The following HSD17B3 variants were observed in gnomAD, a reference collection of about 807,000 sequenced individuals.
HSD17B3 encodes the protein hydroxysteroid 17-beta dehydrogenase 3.
Under a neutral mutation model 41.1 loss-of-function variants are expected in HSD17B3, and 29 were observed. The ratio of observed to expected loss-of-function variants is 0.71; its 90% confidence interval spans 0.53 to 0.96. The LOEUF (loss-of-function observed/expected upper bound fraction) is 0.96. HSD17B3 is among the 40% of genes least tolerant of loss of function. The pLI, the probability that HSD17B3 is intolerant of heterozygous loss-of-function variation, is 0.00. For missense variants in HSD17B3, 323 were observed against 374.6 expected (o/e 0.86, Z 1.14); for synonymous variants, 126 against 145.6 (o/e 0.87, Z 0.97).
At chr9:96,287,182 C>T (rs1826956178) in intron 2 of HSD17B3, among the ~76,000 whole-genome samples, 1 of 152,186 alleles carries the variant, frequency 6.6e-6, no homozygotes, top group African/African-American at 2.4e-5. Flanking sequence ...CAGTCTCCCG[C>T]TTTACTCTCC....
At chr9:96,250,100 A>C in intron 5 of HSD17B3, 1 of 1,334,492 alleles carries the variant, frequency 7.5e-7, no homozygotes, top group Non-Finnish European at 9.6e-7. Context: ...CTCCATTCTC[A>C]GCTGGAGGAA....
At position 96,298,402 on chromosome 9, in the gene HSD17B3, G is replaced by A. The variant is rs781134369; in HGVS notation, c.201+14C>T. The A allele has an allele frequency of 1.4e-5, 23 of 1,609,320 alleles. No homozygotes were observed. The highest frequency in any genetic ancestry group is 1.3e-4 in the Admixed American group (8 of 59,998). Reference sequence around the variant, plus strand: ...AATACAAGGGAGGAGAAAGTCCCCAGGAAGATAGCTTACCTCGAACGAGTA... The same window carrying A: ...AATACAAGGGAGGAGAAAGTCCCCAAGAAGATAGCTTACCTCGAACGAGTA... On this transcript the variant is annotated intron_variant, in intron 2 of 10. Coordinates refer to ENST00000375263, the MANE Select transcript of HSD17B3 (RefSeq NM_000197.2).
intron 2 of HSD17B3, among the ~76,000 whole-genome samples, chr9:96,289,483 G>C (rs1827063543): frequency 6.6e-6 from 1 of 152,038 alleles, no homozygotes. Context: ...CCCACCTCTA[G>C]CCTCCATTTT....
chr9:96,249,130 C>T (rs1836791593), intron 6 of HSD17B3, among the ~76,000 whole-genome samples: 1 of 152,190 alleles, frequency 6.6e-6, no homozygotes, highest in African/African-American at 2.4e-5. Context: ...CGGTCTCCAA[C>T]TCCTGACCTC....
At position 96,244,365 on chromosome 9, in the gene HSD17B3, C is replaced by G. The variant is rs149904201; in HGVS notation, c.636G>C (p.Leu212=). 6.8e-6 allele frequency: 11 copies of G among 1,614,198 alleles called. No individual in the cohort carries two copies. The highest frequency in any genetic ancestry group is 6.7e-5 in the African/African-American group (5 of 75,050). The stretch of plus-strand genomic sequence containing the variant: ...CTTCTTTTGCTTTATATTCCTCTTG[C>G]AGGGCCTTGGAAAATGCGCACACAA... ...KAFVCAFSKA[L]QEEYKAKEVI... Residue 212 remains leucine, a synonymous_variant, in exon 9 of 11, where the codon CTG becomes CTC. Transcript: ENST00000375263.
At chr9:96,241,927 A>G (rs935484161) in intron 9 of HSD17B3, among the ~76,000 whole-genome samples, 41 of 149,792 alleles carry the variant, frequency 2.7e-4, no homozygotes, top group African/African-American at 9.4e-4. Flanking sequence ...ATCAGAGTGA[A>G]ACCCTGTCAA....
intron 2 of HSD17B3, among the ~76,000 whole-genome samples, chr9:96,271,046 C>A (rs897453074): frequency 6.6e-6 from 1 of 151,724 alleles, no homozygotes; most frequent in African/African-American, 2.4e-5. Flanking sequence ...AGCCAGCAGT[C>A]TTACCGATAA....
intron 1 of HSD17B3, 139 bp downstream of exon 1, chr9:96,301,812 C>A (rs966484971): frequency 1.2e-6 from 1 of 868,104 alleles, no homozygotes; most frequent in African/African-American, 1.7e-5. Context: ...ACCCGGGAAG[C>A]GGAGGTTGCA....
intron 5 of HSD17B3, 102 bp from the exon 6 acceptor site, chr9:96,249,888 T>G: frequency 6.2e-7 from 1 of 1,602,756 alleles, no homozygotes; most frequent in Non-Finnish European, 8.5e-7. Flanking sequence ...AAAGTGCATG[T>G]CTGAACGGTT....
At chr9:96,241,961 A>AAAGAAAGAAAGAAAGAAAGAAAG (rs1836458611) in intron 9 of HSD17B3, among the ~76,000 whole-genome samples, 1 of 100,696 alleles carries the variant, frequency 9.9e-6, no homozygotes, top group East Asian at 2.7e-4. Flanking sequence ...AAAGAACAGA[A>AAAGAAAGAAAGAAAGAAAGAAAG]AAAGAAAGAA....
At chr9:96,247,073 G>A (rs948356507) in intron 6 of HSD17B3, 41 of 234,268 alleles carry the variant, frequency 1.8e-4, no homozygotes, top group Admixed American at 1.1e-3. Flanking sequence ...CTATGAAATA[G>A]CTCCGTGGAC....
At position 96,252,855 on chromosome 9, in the gene HSD17B3, G is replaced by T. The variant is rs35189151; in HGVS notation, c.333C>A (p.Asp111Glu). 5 of 1,613,544 alleles carry T rather than the reference G, an allele frequency of 3.1e-6. No homozygotes were observed. Among genetic ancestry groups the T allele is most frequent in the Non-Finnish European group, 4.2e-6 (5 of 1,179,584 alleles). Residue 111 changes from aspartate (D) to glutamate (E), a missense_variant, in exon 4 of 11, where the codon GAC becomes GAA. Asp to Glu is a conservative substitution (Grantham distance 45). Transcript: ENST00000375263. ...KIIQADFTKD[D>E]IYEHIKEKLA... ...GTTTTTCTTTAATATGCTCGTAGAT[G>T]TCATCTTTTGTAAAATCTGCTTGTA...
intron 2 of HSD17B3, among the ~76,000 whole-genome samples, chr9:96,289,716 A>G (rs577108792): frequency 9.2e-5 from 14 of 152,288 alleles, no homozygotes; most frequent in Middle Eastern, 3.4e-3. Flanking sequence ...GGGGCGCCCG[A>G]GAACACTTGG....
At position 96,239,405 on chromosome 9, in the gene HSD17B3, A is replaced by G. The variant is rs144716965; in HGVS notation, c.822+1353T>C. 2.4e-4 allele frequency: 37 copies of G among 152,354 alleles called. No homozygotes were observed. The East Asian group carries it at 4.4e-3, about 18-fold the overall frequency. 9.4% of individuals were successfully genotyped at this position (152,354 alleles called of 1,614,324 possible). A position where few individuals can be genotyped will look rare whatever the true frequency, so the allele number is the denominator to read the frequency against. ...ACATTCGATGAATTTTCCTGCAGCA[A>G]GTGGTGATCTGGAAAAAGACCAGAT... is the stretch of plus-strand genomic sequence containing the variant. On this transcript the variant is annotated intron_variant, in intron 10 of 10. Coordinates refer to ENST00000375263, the MANE Select transcript of HSD17B3 (RefSeq NM_000197.2).
At chr9:96,250,715 C>T (rs1450344023) in intron 5 of HSD17B3, among the ~76,000 whole-genome samples, 1 of 151,994 alleles carries the variant, frequency 6.6e-6, no homozygotes, top group Admixed American at 6.5e-5. Flanking sequence ...AGTGAAACCC[C>T]CGTCTCTACT....
chr9:96,301,805 C>T (rs1179703018), intron 1 of HSD17B3, 146 bp downstream of exon 1: 21 of 826,400 alleles, frequency 2.5e-5, no homozygotes, highest in South Asian at 8.7e-5. Context: ...TGCTTAAACC[C>T]GGGAAGCGGA....
rs778321509 is a variant in HSD17B3, at chr9:96,240,815, T to C, written c.765A>G (p.Ser255=). ...CACCTCCAATTGTGACATAATTCAATGACTCTTTGACAAACTCATCAGCAG... is the reference window on the plus strand; with the variant it reads ...CACCTCCAATTGTGACATAATTCAACGACTCTTTGACAAACTCATCAGCAG... ...TKTADEFVKE[S]LNYVTIGGET... The change falls in exon 10 of 11, where the codon TCA becomes TCG. Residue 255 remains serine, a synonymous_variant. Transcript: ENST00000375263. The C allele has an allele frequency of 6.2e-7, 1 of 1,614,230 alleles. No individual in the cohort carries two copies. The highest frequency in any genetic ancestry group is 8.5e-7 in the Non-Finnish European group (1 of 1,180,014).
intron 1 of HSD17B3, among the ~76,000 whole-genome samples, chr9:96,298,759 T>C (rs1827463890): frequency 6.6e-6 from 1 of 152,050 alleles, no homozygotes; most frequent in Non-Finnish European, 1.5e-5. Context: ...ATGAAACAGA[T>C]CCGCAGCCAG....
At chr9:96,256,773 C>T (rs1229836544) in intron 2 of HSD17B3, among the ~76,000 whole-genome samples, 2 of 151,638 alleles carry the variant, frequency 1.3e-5, no homozygotes, top group East Asian at 1.9e-4. Flanking sequence ...CTATGGCCCA[C>T]GGTCTCAGAA....
Sources: allele counts gnomAD v4.1 joint callset (sites outside exome capture counted in the v4.1 genomes callset), GRCh38; gene constraint gnomAD v4.1.1; transcripts MANE v1.5; gene names NCBI Gene and HGNC (gene_info 2026-07-23, HGNC 2026-07-21).